WDR33: variants seen among roughly 807,000 people sequenced by gnomAD.
The protein encoded by WDR33 is pre-mRNA 3' end processing protein WDR33.
In WDR33, 47 loss-of-function variants were observed where a neutral mutation model predicts 164.9. The ratio of observed to expected loss-of-function variants is 0.29; its 90% CI spans 0.23 to 0.36. The LOEUF is 0.36. WDR33 is among the 10% of genes least tolerant of loss of function. WDR33 has a pLI of 1.00. For missense variants in WDR33, 1,137 were observed against 1,754.1 expected, an observed-to-expected ratio of 0.65 and a Z score of 6.28; for synonymous variants, 505 against 589.0, an observed-to-expected ratio of 0.86 and a Z score of 2.06.
chr2:127,755,531 G>A (rs1251891803), intron 7 of WDR33, among the ~76,000 whole-genome samples: 1 of 152,146 alleles, frequency 6.6e-6, no homozygotes, highest in Non-Finnish European at 1.5e-5. Context: ...GATTATTTTA[G>A]CATGATTTAT....
At position 127,708,634 on chromosome 2, in the gene WDR33, G is replaced by A. The variant is rs749214233; in HGVS notation, c.3781+43C>T. On this transcript the variant is annotated intron_variant, in intron 21 of 21. Coordinates refer to ENST00000322313, the MANE Select transcript of WDR33 (RefSeq NM_018383.5). This position sits in a 1 kb window ranked among gnomAD's most constrained non-coding sequence, Gnocchi z 6.7. ...GCAGATACAGGCAAGGCCTCCATCG[G>A]CCCCTGCATCTCCTGGAACCATAAC... The A allele has an allele frequency of 1.3e-6, 2 of 1,526,952 alleles. No homozygotes were observed. The highest frequency in any genetic ancestry group is 2.3e-5 in the East Asian group (1 of 43,874). The allele number at this position is 1,526,952 out of a possible 1,614,324, so 94.6% of individuals were successfully genotyped here.
At position 127,711,629 on chromosome 2, in the gene WDR33, C is replaced by T. The variant is rs10175537; in HGVS notation, c.3309-1773G>A. Among the ~76,000 whole-genome samples the T allele has an allele frequency of 6.7e-3, 1,006 of 149,496 alleles. 9 individuals are homozygous for T. The highest frequency in any genetic ancestry group is 0.024 in the African/African-American group (957 of 40,424). On this transcript the variant is annotated intron_variant, in intron 18 of 21. Coordinates refer to ENST00000322313, the MANE Select transcript of WDR33 (RefSeq NM_018383.5). ...TTTATTTTTAACCTCCCTATCTCCCCTCCCCCAAAACAATTGCTTCCTTAG... is the reference window on the plus strand; with the variant it reads ...TTTATTTTTAACCTCCCTATCTCCCTTCCCCCAAAACAATTGCTTCCTTAG...
chr2:127,705,422 CTTAA>C lies in WDR33; in HGVS notation c.*897_*900del, dbSNP rs367892483. 6.3e-3 allele frequency: 960 copies of C among 152,638 alleles called. 19 individuals carry two copies. The highest frequency in any genetic ancestry group is 0.059 in the South Asian group (285 of 4,832). 9.5% of individuals were successfully genotyped at this position (152,638 alleles called of 1,614,324 possible). ...AGTATGGAAGAGGAAGAGAGGAAAA[CTTAA>C]TTAAGTGTTGCAAAATTGTTTGAGG... is the stretch of plus-strand genomic sequence containing the variant. On this transcript the variant is annotated 3_prime_UTR_variant, in exon 22 of 22. Coordinates refer to ENST00000322313, the MANE Select transcript of WDR33 (RefSeq NM_018383.5). This position sits in a 1 kb window ranked among gnomAD's most constrained non-coding sequence, Gnocchi z 4.5.
rs1014149508 is a variant in WDR33, at chr2:127,712,156, G to A, written c.3308+1427C>T. ...CACGCCTATAATCCCTGCACTCTGGGGGGGCTGAAGAACGTGGATCACTTG... is the reference window on the plus strand; with the variant it reads ...CACGCCTATAATCCCTGCACTCTGGAGGGGCTGAAGAACGTGGATCACTTG... On this transcript the variant is annotated intron_variant, in intron 18 of 21. Transcript: ENST00000322313. This position sits in a 1 kb window ranked among gnomAD's most constrained non-coding sequence, Gnocchi z 4.0. Among the ~76,000 whole-genome samples, 21 of 152,078 alleles carry A rather than the reference G, an allele frequency of 1.4e-4. No individual in the cohort carries two copies. The highest frequency in any genetic ancestry group is 2.4e-4 in the African/African-American group (10 of 41,438).
intron 7 of WDR33, among the ~76,000 whole-genome samples, chr2:127,761,064 T>TAATGC (rs1687658982): frequency 6.6e-6 from 1 of 152,336 alleles, no homozygotes; most frequent in African/African-American, 2.4e-5. Context: ...CAAAATTGAA[T>TAATGC]AATGCTTCAC....
At chr2:127,798,367 CAAAAAAAAAAAAA>C (rs61568967) in intron 1 of WDR33, among the ~76,000 whole-genome samples, 13 of 19,290 alleles carry the variant, frequency 6.7e-4, no homozygotes, top group Non-Finnish European at 9.7e-4. Flanking sequence ...GACACCGTCG[CAAAAAAAAAAAAA>C]AAAAAAAAAA....
chr2:127,800,221 T>C (rs1487876132), intron 1 of WDR33, among the ~76,000 whole-genome samples: 2 of 152,208 alleles, frequency 1.3e-5, no homozygotes, highest in African/African-American at 4.8e-5. Context: ...TACAGCAGCG[T>C]TATTAATAAT....
chr2:127,753,191 T>C (rs1687422439), intron 7 of WDR33, among the ~76,000 whole-genome samples: 1 of 151,912 alleles, frequency 6.6e-6, no homozygotes, highest in Non-Finnish European at 1.5e-5. Context: ...CCTCCCAAAG[T>C]GCTGGGATTA....
chr2:127,711,780 A>ATTTTTTTTTTTTTT lies in WDR33; in HGVS notation c.3308+1802_3308+1803insAAAAAAAAAAAAAA, dbSNP rs1158780905. On this transcript the variant is annotated intron_variant, in intron 18 of 21. Transcript: ENST00000322313. Reference sequence around the variant, plus strand: ...TATATATATATATATATATATATATATTTTTTTTTTGAGACAGAGTCTCGC... The same window carrying ATTTTTTTTTTTTTT: ...TATATATATATATATATATATATATATTTTTTTTTTTTTTTTTTTTTTTTGAGACAGAGTCTCGC... 7.1e-3 allele frequency among the ~76,000 whole-genome samples: 627 copies of ATTTTTTTTTTTTTT among 88,176 alleles called. 23 individuals are homozygous for ATTTTTTTTTTTTTT. The highest frequency in any genetic ancestry group is 0.034 in the South Asian group (74 of 2,172). 57.8% of individuals were successfully genotyped at this position (88,176 alleles called of 152,430 possible). A position where few individuals can be genotyped will look rare whatever the true frequency, so the allele number is the denominator to read the frequency against.
At chr2:127,730,154 TA>T (rs978921854) in intron 7 of WDR33, among the ~76,000 whole-genome samples, 30 of 152,228 alleles carry the variant, frequency 2.0e-4, no homozygotes, top group Non-Finnish European at 3.5e-4. Flanking sequence ...AAAATTCAAT[TA>T]AAAAAAATTT....
intron 1 of WDR33, among the ~76,000 whole-genome samples, chr2:127,786,209 T>C (rs1380048445): frequency 6.6e-6 from 1 of 152,136 alleles, no homozygotes; most frequent in Non-Finnish European, 1.5e-5. Flanking sequence ...AAACTGTTCT[T>C]TTTTTTGTAG....
Position 127,720,388 on chromosome 2 carries a change from A to C in WDR33, c.1672-35T>G. 4.0e-6 allele frequency: 6 copies of C among 1,503,076 alleles called. No individual in the cohort carries two copies. Among genetic ancestry groups the C allele is most frequent in the Non-Finnish European group, 5.3e-6 (6 of 1,128,380 alleles). 93.1% of individuals were successfully genotyped at this position (1,503,076 alleles called of 1,614,324 possible). A position where few individuals can be genotyped will look rare whatever the true frequency, so the allele number is the denominator to read the frequency against. On this transcript the variant is annotated intron_variant, in intron 15 of 21. Coordinates refer to ENST00000322313, the MANE Select transcript of WDR33 (RefSeq NM_018383.5). The surrounding 1 kb of genome is among the most constrained non-coding windows in gnomAD (Gnocchi z 5.9). Reference sequence around the variant, plus strand: ...AAGAAAGAAAAAAGCATGTTGAATAAACAGGCCAGAGCCCTTGAAGATGAC... The same window carrying C: ...AAGAAAGAAAAAAGCATGTTGAATACACAGGCCAGAGCCCTTGAAGATGAC...
rs1686582105 is a variant in WDR33 at position 127,726,818 on chromosome 2, T to C, written c.725-41A>G. The C allele has an allele frequency of 6.2e-7, 1 of 1,610,780 alleles. No homozygotes were observed. The highest frequency in any genetic ancestry group is 1.7e-5 in the Admixed American group (1 of 59,494). ...TAGGATTAAAACCTAATTAGTTACA[T>C]GCATTTAAAGCAATTTAAACCAAAG... On this transcript the variant is annotated intron_variant, in intron 7 of 21. Coordinates refer to ENST00000322313, the MANE Select transcript of WDR33 (RefSeq NM_018383.5). This position sits in a 1 kb window ranked among gnomAD's most constrained non-coding sequence, Gnocchi z 4.8.
chr2:127,729,171 T>C (rs1453764639), intron 7 of WDR33, among the ~76,000 whole-genome samples: 1 of 152,214 alleles, frequency 6.6e-6, no homozygotes, highest in Non-Finnish European at 1.5e-5. Context: ...CAAATACTTA[T>C]GTATAGCGTT....
At chr2:127,786,581 G>T (rs1477197048) in intron 1 of WDR33, among the ~76,000 whole-genome samples, 1 of 152,150 alleles carries the variant, frequency 6.6e-6, no homozygotes, top group Non-Finnish European at 1.5e-5. Flanking sequence ...TACACAGGAG[G>T]CTACAGCATG....
At chr2:127,760,202 A>G (rs1385620114) in intron 7 of WDR33, among the ~76,000 whole-genome samples, 1 of 152,218 alleles carries the variant, frequency 6.6e-6, no homozygotes, top group Non-Finnish European at 1.5e-5. Flanking sequence ...ATGTTGTAGA[A>G]AAGTATTTGA....
intron 7 of WDR33, among the ~76,000 whole-genome samples, chr2:127,747,468 AT>A: frequency 6.6e-6 from 1 of 152,298 alleles, no homozygotes; most frequent in South Asian, 2.1e-4. Context: ...AACTTTTACA[AT>A]CTAAAACCTT....
intron 1 of WDR33, among the ~76,000 whole-genome samples, chr2:127,779,031 G>A (rs1688284845): frequency 6.6e-6 from 1 of 152,106 alleles, no homozygotes; most frequent in African/African-American, 2.4e-5. Flanking sequence ...GGTAGAGCGA[G>A]GCTCTGGCAT....
At chr2:127,801,351 T>C (rs939795279) in intron 1 of WDR33, among the ~76,000 whole-genome samples, 1 of 151,888 alleles carries the variant, frequency 6.6e-6, no homozygotes, top group African/African-American at 2.4e-5. Flanking sequence ...TTGGAACCAT[T>C]GTGTACTGAC....
Sources: gnomAD v4.1 joint callset for allele counts (sites outside exome capture counted in the v4.1 genomes callset) on GRCh38, gnomAD v4.1.1 for gene constraint, Gnocchi (gnomAD v3.1) non-coding constraint, MANE v1.5 for transcripts, NCBI Gene and HGNC (gene_info 2026-07-23, HGNC 2026-07-21) for gene names.